Variants in LAMA2 observed in about 807,000 individuals in gnomAD.
LAMA2 encodes laminin subunit alpha-2.
In LAMA2, 269 loss-of-function variants were observed where a neutral mutation model predicts 364.8. The observed-to-expected ratio is 0.74, with a 90% CI of 0.67 to 0.82. The LOEUF (loss-of-function observed/expected upper bound fraction) is 0.82, where lower values mean the gene tolerates loss of function less well. LAMA2 is among the 40% of genes least tolerant of loss of function. LAMA2 has a pLI of 0.00. For missense variants in LAMA2, 3,807 were observed against 3,873.2 expected, an observed-to-expected ratio of 0.98 and a Z score of 0.45; for synonymous variants, 1,379 against 1,370.6, an observed-to-expected ratio of 1.01 and a Z score of -0.14.
rs369728989 is a variant in LAMA2, at chr6:129,473,200, T to C, written c.7301-14T>C. Reference sequence around the variant, plus strand: ...TGCTCAAATAAAATGTTAAACTTTCTTTCTCCTTTACAGCCAATATATCAA... The same window carrying C: ...TGCTCAAATAAAATGTTAAACTTTCCTTCTCCTTTACAGCCAATATATCAA... On this transcript the variant is annotated splice_polypyrimidine_tract_variant and intron_variant, in intron 51 of 64. Transcript: ENST00000421865. The C allele has an allele frequency of 1.9e-6, 3 of 1,570,026 alleles. No homozygotes were observed. The African/African-American group carries it at 4.1e-5, about 21-fold the overall frequency.
chr6:129,138,619 G>T (rs974821182), intron 4 of LAMA2, among the ~76,000 whole-genome samples: 1 of 151,978 alleles, frequency 6.6e-6, no homozygotes, highest in African/African-American at 2.4e-5. Flanking sequence ...TATATTCATG[G>T]TACTTTCATA....
chr6:129,293,166 A>T, intron 20 of LAMA2: 1 of 805,882 alleles, frequency 1.2e-6, no homozygotes, highest in Non-Finnish European at 1.5e-6. Flanking sequence ...AACAGTTGCT[A>T]AGTGTGCAAA....
At chr6:129,169,169 A>T (rs2114999672) in intron 9 of LAMA2, among the ~76,000 whole-genome samples, 1 of 150,334 alleles carries the variant, frequency 6.7e-6, no homozygotes, top group East Asian at 1.9e-4. Flanking sequence ...CTCCTGCCTA[A>T]TTGCCCTGGC....
intron 3 of LAMA2, among the ~76,000 whole-genome samples, chr6:129,068,757 A>G (rs1403182061): frequency 6.6e-6 from 1 of 152,204 alleles, no homozygotes; most frequent in Admixed American, 6.5e-5. Flanking sequence ...ATGTGACTTT[A>G]CCACACTTAC....
chr6:129,143,808 G>A, intron 4 of LAMA2, 93 bp from the exon 5 acceptor site: 1 of 915,084 alleles, frequency 1.1e-6, no homozygotes, highest in Non-Finnish European at 1.7e-6. Flanking sequence ...TGGGAGAATG[G>A]GAAGTTAACT....
At chr6:128,931,034 C>CAAA (rs543445373) in intron 1 of LAMA2, among the ~76,000 whole-genome samples, 7 of 148,102 alleles carry the variant, frequency 4.7e-5, no homozygotes, top group African/African-American at 1.7e-4. Flanking sequence ...TGGATCTCTG[C>CAAA]AAAAAAAAAG....
chr6:129,388,233 G>C (rs1206434971), intron 35 of LAMA2, among the ~76,000 whole-genome samples: 2 of 147,984 alleles, frequency 1.4e-5, no homozygotes, highest in East Asian at 3.9e-4. Context: ...TCCAGCCTGG[G>C]CAACAGAGCA....
chr6:129,147,119 C>T, intron 6 of LAMA2, 71 bp downstream of exon 6: 1 of 983,870 alleles, frequency 1.0e-6, no homozygotes, highest in Non-Finnish European at 1.6e-6. Context: ...ACAGTCTTTG[C>T]TGACAGAGAA....
chr6:129,126,547 T>A (rs2114928134), intron 4 of LAMA2, among the ~76,000 whole-genome samples: 1 of 152,280 alleles, frequency 6.6e-6, no homozygotes, highest in South Asian at 2.1e-4. Flanking sequence ...CTGGTAAGAC[T>A]TTTACAATAT....
chr6:128,920,956 TGACAATTTGGATG>T (rs1431128365), intron 1 of LAMA2, among the ~76,000 whole-genome samples: 3 of 152,290 alleles, frequency 2.0e-5, no homozygotes, highest in Non-Finnish European at 2.9e-5. Flanking sequence ...GGCTTTGAAC[TGACAATTTGGATG>T]GACAACTACA....
At chr6:129,065,894 T>G (rs1485685317) in intron 3 of LAMA2, among the ~76,000 whole-genome samples, 1 of 151,924 alleles carries the variant, frequency 6.6e-6, no homozygotes, top group African/African-American at 2.4e-5. Context: ...CGCTTTTGCA[T>G]TTTCCTCATT....
chr6:129,475,575 G>A (rs1008170577), intron 53 of LAMA2, among the ~76,000 whole-genome samples, 174 bp downstream of exon 53: 27 of 151,522 alleles, frequency 1.8e-4, no homozygotes, highest in Admixed American at 1.3e-3. Context: ...CTTGCTGGCC[G>A]ACATTCTGCT....
At chr6:129,132,408 G>A (rs200550457) in intron 4 of LAMA2, among the ~76,000 whole-genome samples, 9 of 151,962 alleles carry the variant, frequency 5.9e-5, no homozygotes, top group Admixed American at 3.3e-4. Flanking sequence ...CCTCGTGATC[G>A]GCCCGCCTCG....
At chr6:128,924,662 C>G (rs1778973607) in intron 1 of LAMA2, among the ~76,000 whole-genome samples, 1 of 152,154 alleles carries the variant, frequency 6.6e-6, no homozygotes, top group Non-Finnish European at 1.5e-5. Context: ...GTACAGGTAG[C>G]TAGGGTGCCC....
intron 9 of LAMA2, among the ~76,000 whole-genome samples, chr6:129,172,707 G>C (rs572697750): frequency 2.4e-4 from 36 of 152,330 alleles, no homozygotes; most frequent in African/African-American, 6.5e-4. Context: ...CCACCCAGTT[G>C]GAGCTTCCCA....
chr6:129,254,826 G>T (rs1487067010), intron 14 of LAMA2, among the ~76,000 whole-genome samples: 1 of 152,014 alleles, frequency 6.6e-6, no homozygotes, highest in Admixed American at 6.6e-5. Flanking sequence ...AACATCCTTG[G>T]TCTTTAAATC....
intron 1 of LAMA2, among the ~76,000 whole-genome samples, chr6:129,013,992 G>T (rs950772935): frequency 8.5e-5 from 13 of 152,124 alleles, no homozygotes; most frequent in African/African-American, 3.1e-4. Context: ...GGGTAGTAAA[G>T]GAAAGAGGAG....
chr6:129,262,305 A>G (rs1039029494), intron 15 of LAMA2, among the ~76,000 whole-genome samples: 2 of 152,148 alleles, frequency 1.3e-5, no homozygotes, highest in African/African-American at 4.8e-5. Context: ...ATAAATATCT[A>G]TGAAAAATGG....
At chr6:129,148,939 A>C (rs200667464) in intron 6 of LAMA2, 40 bp from the exon 7 acceptor site, 2 of 1,331,320 alleles carry the variant, frequency 1.5e-6, no homozygotes, top group South Asian at 2.3e-5. Flanking sequence ...ATGGTTCTAA[A>C]TGAGGCTAAA....
Sources: gnomAD v4.1 joint callset for allele counts (sites outside exome capture counted in the v4.1 genomes callset) on GRCh38, gnomAD v4.1.1 for gene constraint, MANE v1.5 for transcripts, NCBI Gene and HGNC (gene_info 2026-07-23, HGNC 2026-07-21) for gene names.